SORCS2: variants seen among roughly 807,000 people sequenced by gnomAD.
SORCS2 encodes the protein VPS10 domain-containing receptor SorCS2.
In SORCS2, 100 loss-of-function variants were observed where a neutral mutation model predicts 141.6. The observed-to-expected ratio is 0.71, with a 90% CI of 0.60 to 0.83. The LOEUF (loss-of-function observed/expected upper bound fraction) is 0.83. SORCS2 is among the 40% of genes least tolerant of loss of function. SORCS2 has a pLI of 0.00. For missense variants in SORCS2, 1,646 were observed against 1,560.2 expected, an observed-to-expected ratio of 1.05 and a Z score of -0.93; for synonymous variants, 789 against 676.9, an observed-to-expected ratio of 1.17 and a Z score of -2.57.
chr4:7,496,632 A>G (rs151160474), intron 2 of SORCS2, among the ~76,000 whole-genome samples: 56 of 152,138 alleles, frequency 3.7e-4, no homozygotes, highest in African/African-American at 1.3e-3. Context: ...ATAAAGAGAA[A>G]GGAGAGTGGC....
chr4:7,492,276 C>A (rs1258618221), intron 2 of SORCS2, among the ~76,000 whole-genome samples: 1 of 152,252 alleles, frequency 6.6e-6, no homozygotes, highest in East Asian at 1.9e-4. Context: ...CTACTCTCTG[C>A]TTCTATGGAT....
At chr4:7,336,828 G>A (rs1189948416) in intron 1 of SORCS2, among the ~76,000 whole-genome samples, 1 of 152,184 alleles carries the variant, frequency 6.6e-6, no homozygotes, top group African/African-American at 2.4e-5. Context: ...TCGGGGCCCA[G>A]TTGGCAGAGG....
chr4:7,616,872 A>G (rs1269803334), intron 3 of SORCS2, among the ~76,000 whole-genome samples: 1 of 152,200 alleles, frequency 6.6e-6, no homozygotes, highest in Non-Finnish European at 1.5e-5. Context: ...TCTGGCAGAG[A>G]ACTCTGCGAT....
At chr4:7,486,326 C>T (rs1054898695) in intron 2 of SORCS2, among the ~76,000 whole-genome samples, 6 of 35,434 alleles carry the variant, frequency 1.7e-4, no homozygotes, top group Non-Finnish European at 3.3e-4. Flanking sequence ...GCCCGCAGGC[C>T]GGCTGGGCCA....
intron 1 of SORCS2, among the ~76,000 whole-genome samples, chr4:7,374,894 C>T (rs781025672): frequency 9.2e-5 from 14 of 152,120 alleles, no homozygotes; most frequent in South Asian, 2.1e-4. Flanking sequence ...CATGGGCTTG[C>T]GGGCAAGGCC....
At chr4:7,724,124 G>GGTGGTGGTGGTGGTGA (rs1726806175) in intron 19 of SORCS2, among the ~76,000 whole-genome samples, 1 of 139,614 alleles carries the variant, frequency 7.2e-6, no homozygotes, top group Non-Finnish European at 1.5e-5. Flanking sequence ...GATGGTGGTG[G>GGTGGTGGTGGTGGTGA]TGGTGGTGGT....
At position 7,658,700 on chromosome 4, in the gene SORCS2, A is replaced by G. The variant is rs566862463; in HGVS notation, c.888-2800A>G. Among the ~76,000 whole-genome samples the G allele has an allele frequency of 1.1e-3, 174 of 152,314 alleles. 1 individual carries two copies. Among genetic ancestry groups the G allele is most frequent in the African/African-American group, 4.0e-3 (166 of 41,570 alleles). On this transcript the variant is annotated intron_variant, in intron 5 of 26. Transcript: ENST00000507866. ...GGGTCTGTGCCACTCAAACCCATTT[A>G]TGGATTTCCCCTGTCCACCTGGGGC... is the stretch of plus-strand genomic sequence containing the variant.
intron 23 of SORCS2, among the ~76,000 whole-genome samples, chr4:7,731,110 C>T (rs575546848): frequency 1.3e-5 from 2 of 152,328 alleles, no homozygotes; most frequent in African/African-American, 2.4e-5. Flanking sequence ...CGCTTCTACA[C>T]ACTAACAGCA....
At chr4:7,263,913 G>A in intron 1 of SORCS2, among the ~76,000 whole-genome samples, 1 of 152,222 alleles carries the variant, frequency 6.6e-6, no homozygotes, top group Non-Finnish European at 1.5e-5. Context: ...GGGCCGTGGT[G>A]TTGGCAAGCT....
At chr4:7,619,834 C>T (rs999283440) in intron 3 of SORCS2, among the ~76,000 whole-genome samples, 8 of 152,134 alleles carry the variant, frequency 5.3e-5, no homozygotes, top group South Asian at 2.1e-4. Context: ...CGCATGTACA[C>T]GTCTGTGCAC....
chr4:7,603,125 G>A (rs182362199), intron 3 of SORCS2, among the ~76,000 whole-genome samples: 1 of 151,580 alleles, frequency 6.6e-6, no homozygotes, highest in Admixed American at 6.6e-5. Context: ...TTCAGCCTCC[G>A]CTCGGCATCA....
At chr4:7,290,760 G>A (rs937974575) in intron 1 of SORCS2, among the ~76,000 whole-genome samples, 11 of 152,266 alleles carry the variant, frequency 7.2e-5, no homozygotes, top group Admixed American at 6.5e-4. Flanking sequence ...GCTCTCAGTT[G>A]ATTTGTTGAC....
intron 3 of SORCS2, among the ~76,000 whole-genome samples, chr4:7,636,606 T>C (rs1249207978): frequency 6.6e-6 from 1 of 152,064 alleles, no homozygotes; most frequent in African/African-American, 2.4e-5. Flanking sequence ...AGAGATGCGA[T>C]GTCCCGAATC....
chr4:7,490,276 T>TG (rs1371643320), intron 2 of SORCS2, among the ~76,000 whole-genome samples: 1 of 152,098 alleles, frequency 6.6e-6, no homozygotes, highest in Non-Finnish European at 1.5e-5. Flanking sequence ...TGACTCGGCC[T>TG]GGGGGGAGCT....
At chr4:7,657,762 C>T (rs1721882133) in intron 5 of SORCS2, among the ~76,000 whole-genome samples, 2 of 142,216 alleles carry the variant, frequency 1.4e-5, no homozygotes, top group Admixed American at 1.4e-4. Flanking sequence ...GAGTGAGTGG[C>T]TGAGTGAGTG....
At chr4:7,387,633 A>ACT (rs1723492632) in intron 1 of SORCS2, among the ~76,000 whole-genome samples, 1 of 138,234 alleles carries the variant, frequency 7.2e-6, no homozygotes, top group African/African-American at 2.8e-5. Context: ...ATTTGCACAC[A>ACT]CGCACACACA....
chr4:7,577,007 A>T (rs952750907), intron 3 of SORCS2, among the ~76,000 whole-genome samples: 1 of 152,226 alleles, frequency 6.6e-6, no homozygotes, highest in South Asian at 2.1e-4. Flanking sequence ...CCATGAGGAC[A>T]GATGTGGTCT....
At chr4:7,499,445 T>G (rs1002213174) in intron 2 of SORCS2, among the ~76,000 whole-genome samples, 1 of 152,136 alleles carries the variant, frequency 6.6e-6, no homozygotes, top group African/African-American at 2.4e-5. Context: ...GGGATGCCAC[T>G]GCAGGGGCAC....
chr4:7,362,855 A>C (rs1171558297), intron 1 of SORCS2, among the ~76,000 whole-genome samples: 1 of 151,730 alleles, frequency 6.6e-6, no homozygotes, highest in Non-Finnish European at 1.5e-5. Flanking sequence ...TATCACCATC[A>C]TCACCACCAC....
Sources: gnomAD v4.1 joint callset for allele counts (sites outside exome capture counted in the v4.1 genomes callset) on GRCh38, gnomAD v4.1.1 for gene constraint, MANE v1.5 for transcripts, NCBI Gene and HGNC (gene_info 2026-07-23, HGNC 2026-07-21) for gene names.